Variants in CCDC149 observed in about 807,000 individuals in gnomAD.
The protein encoded by CCDC149 is coiled-coil domain-containing protein 149.
A neutral mutation model predicts 59.9 loss-of-function variants in CCDC149; 45 were observed. The observed-to-expected ratio is 0.75, with a 90% CI of 0.59 to 0.96. The LOEUF is 0.96. CCDC149 is among the 40% of genes least tolerant of loss of function. The probability of loss-of-function intolerance (pLI) is 0.00; values close to 1 mark genes in which losing one functional copy is unlikely to be tolerated. For missense variants in CCDC149, 584 were observed against 664.7 expected, an observed-to-expected ratio of 0.88 and a Z score of 1.33; for synonymous variants, 245 against 260.6, an observed-to-expected ratio of 0.94 and a Z score of 0.58.
chr4:24,828,085 C>T (rs1577387534), intron 9 of CCDC149: 1 of 152,168 alleles, frequency 6.6e-6, no homozygotes. Context: ...AGTTTCTTTA[C>T]ATGCCCCCAA....
At chr4:24,856,660 C>T (rs1329560283) in intron 3 of CCDC149, among the ~76,000 whole-genome samples, 1 of 152,220 alleles carries the variant, frequency 6.6e-6, no homozygotes. Context: ...GCAGGCTGAC[C>T]ACAAGGACTA....
chr4:24,853,466 A>G (rs964017831), intron 3 of CCDC149, among the ~76,000 whole-genome samples: 3 of 152,006 alleles, frequency 2.0e-5, no homozygotes, highest in African/African-American at 7.2e-5. Context: ...TATTTGCCTT[A>G]AACAAAAAAA....
At chr4:24,874,275 G>GTTTTTTTTTTTTTTTTTT (rs869276822) in intron 2 of CCDC149, among the ~76,000 whole-genome samples, 1 of 33,844 alleles carries the variant, frequency 3.0e-5, no homozygotes, top group African/African-American at 7.3e-5. Flanking sequence ...GTTTTTTTTT[G>GTTTTTTTTTTTTTTTTTT]TTTTTTTGCC....
Position 24,876,666 on chromosome 4 carries a change from T to C in CCDC149, c.95A>G (p.Lys32Arg). The change falls in exon 2 of 13, where the codon AAG (lysine) becomes AGG (arginine). Residue 32 changes from lysine to arginine, a missense_variant. Transcript: ENST00000635206. ...GGAGAGGATCAGCAGGGCTTCCTTC[T>C]TACTCTCCAGCTTCCTCTTACACAC... The C allele has an allele frequency of 1.9e-6, 3 of 1,613,722 alleles. No homozygotes were observed. The highest frequency in any genetic ancestry group is 2.5e-6 in the Non-Finnish European group (3 of 1,179,860).
At chr4:24,948,999 A>G (rs1019415072) in intron 1 of CCDC149, among the ~76,000 whole-genome samples, 16 of 152,200 alleles carry the variant, frequency 1.1e-4, no homozygotes, top group African/African-American at 3.9e-4. Context: ...TGAAACTGTG[A>G]GTCAACTAAA....
At chr4:24,877,677 A>T (rs1719549081) in intron 1 of CCDC149, among the ~76,000 whole-genome samples, 1 of 152,178 alleles carries the variant, frequency 6.6e-6, no homozygotes, top group Admixed American at 6.5e-5. Flanking sequence ...CCATCCAGAG[A>T]CCAATCTTAG....
At position 24,893,252 on chromosome 4, in the gene CCDC149, G is replaced by T. The variant is rs547937914; in HGVS notation, c.64-16555C>A. Among the ~76,000 whole-genome samples the T allele has an allele frequency of 2.6e-5, 4 of 152,270 alleles. No homozygotes were observed. In the South Asian group the frequency reaches 8.3e-4, roughly 32 times the overall value. On this transcript the variant is annotated intron_variant, in intron 1 of 12. Coordinates refer to ENST00000635206, the MANE Select transcript of CCDC149 (RefSeq NM_001330643.2). ...GAATGATGAACCAGAAAAATGAAAG[G>T]TGGCTAGGTCTCTAACAGATTGTAA...
intron 4 of CCDC149, among the ~76,000 whole-genome samples, chr4:24,849,445 C>T (rs1182479128): frequency 6.6e-6 from 1 of 152,150 alleles, no homozygotes; most frequent in African/African-American, 2.4e-5. Context: ...TAAGAAATTC[C>T]TGCGCACTGG....
At chr4:24,842,431 A>G (rs1268081163) in intron 4 of CCDC149, among the ~76,000 whole-genome samples, 1 of 152,198 alleles carries the variant, frequency 6.6e-6, no homozygotes, top group African/African-American at 2.4e-5. Context: ...GAAAATGGCT[A>G]TGAAGCAACC....
chr4:24,820,354 T>C (rs800454), intron 11 of CCDC149, among the ~76,000 whole-genome samples: 13,027 of 152,132 alleles, frequency 0.086, 674 homozygotes, highest in South Asian at 0.17. Context: ...CTCAAAAGGG[T>C]ACCAACACAT....
At chr4:24,910,794 T>G (rs1439635416) in intron 1 of CCDC149, among the ~76,000 whole-genome samples, 1 of 152,190 alleles carries the variant, frequency 6.6e-6, no homozygotes, top group African/African-American at 2.4e-5. Context: ...TCTGTGCAAG[T>G]TCCTTAGCCT....
At chr4:24,876,292 TACACAC>T (rs61406129) in intron 2 of CCDC149, among the ~76,000 whole-genome samples, 4,933 of 124,676 alleles carry the variant, frequency 0.04, 83 homozygotes, top group South Asian at 0.051. Context: ...CATACACACG[TACACAC>T]ACACACACAC....
At chr4:24,965,486 A>G (rs1338564641) in intron 1 of CCDC149, among the ~76,000 whole-genome samples, 1 of 151,052 alleles carries the variant, frequency 6.6e-6, no homozygotes, top group Non-Finnish European at 1.5e-5. Context: ...TTAACGACAG[A>G]AAAATCTCTG....
At chr4:24,906,396 T>TTTTATTTTATTTTATTTATTTTA (rs1560249559) in intron 1 of CCDC149, among the ~76,000 whole-genome samples, 5 of 41,716 alleles carry the variant, frequency 1.2e-4, no homozygotes, top group African/African-American at 2.1e-4. Context: ...TTTTATTTTA[T>TTTTATTTTATTTTATTTATTTTA]TTTATTTTAT....
At chr4:24,936,146 C>A (rs1216097163) in intron 1 of CCDC149, among the ~76,000 whole-genome samples, 1 of 152,104 alleles carries the variant, frequency 6.6e-6, no homozygotes, top group Non-Finnish European at 1.5e-5. Flanking sequence ...GAAAAAAGAA[C>A]TGATGAGAAA....
intron 1 of CCDC149, among the ~76,000 whole-genome samples, chr4:24,909,763 G>T (rs538281213): frequency 6.6e-6 from 1 of 152,264 alleles, no homozygotes; most frequent in East Asian, 1.9e-4. Flanking sequence ...GAGTTCTCCT[G>T]CAGAAGCTCT....
intron 12 of CCDC149, 95 bp from the exon 13 acceptor site, chr4:24,808,914 G>C (rs1477047803): frequency 5.0e-6 from 6 of 1,207,574 alleles, no homozygotes; most frequent in Non-Finnish European, 6.8e-6. Context: ...TACCAGCACA[G>C]GGCCTCTGAA....
At chr4:24,959,281 G>A (rs73250653) in intron 1 of CCDC149, among the ~76,000 whole-genome samples, 26,783 of 151,880 alleles carry the variant, frequency 0.18, 3,165 homozygotes, top group African/African-American at 0.32. Flanking sequence ...GTCAAAAAAA[G>A]TTTTTTTAAT....
intron 1 of CCDC149, among the ~76,000 whole-genome samples, chr4:24,938,144 A>G (rs1722836742): frequency 6.6e-6 from 1 of 152,252 alleles, no homozygotes; most frequent in Non-Finnish European, 1.5e-5. Flanking sequence ...CAAATACTGT[A>G]AATTCATTTC....
Sources: allele counts gnomAD v4.1 joint callset (sites outside exome capture counted in the v4.1 genomes callset), GRCh38; gene constraint gnomAD v4.1.1; transcripts MANE v1.5; gene names NCBI Gene and HGNC (gene_info 2026-07-23, HGNC 2026-07-21).